The following PTPRH variants were observed in gnomAD, a reference collection of about 807,000 sequenced individuals.
PTPRH encodes the protein receptor-type tyrosine-protein phosphatase H.
PTPRH carries 113 observed loss-of-function variants against 130.2 expected under a neutral mutation model. The ratio of observed to expected loss-of-function variants is 0.87; its 90% CI spans 0.75 to 1.01. The LOEUF (loss-of-function observed/expected upper bound fraction) is 1.01. Among genes scored for constraint, PTPRH ranks in the 50% least tolerant of loss-of-function variants. The pLI, the probability that PTPRH is intolerant of heterozygous loss-of-function variation, is 0.00. For missense variants in PTPRH, 1,430 were observed against 1,425.0 expected (o/e 1.00, Z -0.06); for synonymous variants, 556 against 577.9 (o/e 0.96, Z 0.54).
chr19:55,188,308 T>A, intron 12 of PTPRH, 140 bp from the exon 13 acceptor site: 1 of 643,880 alleles, frequency 1.6e-6, no homozygotes. Context: ...AGGTCAGGAG[T>A]TCGAGACCAG....
At chr19:55,207,400 G>C in intron 1 of PTPRH, 1 of 578,534 alleles carries the variant, frequency 1.7e-6, no homozygotes, top group East Asian at 2.9e-5. Context: ...GGCAGGAGCA[G>C]AGCTTAGGGA....
At chr19:55,195,076 G>A (rs1287173542) in intron 10 of PTPRH, among the ~76,000 whole-genome samples, 25 of 152,084 alleles carry the variant, frequency 1.6e-4, no homozygotes, top group Non-Finnish European at 1.5e-5. Context: ...TGTAATCCCT[G>A]CACTTCAGGA....
chr19:55,185,699 A>C (rs375315080), intron 17 of PTPRH, 37 bp from the exon 18 acceptor site: 3 of 1,607,866 alleles, frequency 1.9e-6, no homozygotes, highest in Non-Finnish European at 2.6e-6. Context: ...CTGGAGATGA[A>C]TGTAGGGAGG....
intron 5 of PTPRH, among the ~76,000 whole-genome samples, chr19:55,203,105 G>GA (rs1269347936): frequency 6.6e-6 from 1 of 151,616 alleles, no homozygotes; most frequent in East Asian, 2.0e-4. Context: ...AAGGCGGGTG[G>GA]ATCACAAGGT....
intron 18 of PTPRH, among the ~76,000 whole-genome samples, chr19:55,182,389 T>TGGC (rs2086203650): frequency 6.6e-6 from 1 of 152,120 alleles, no homozygotes; most frequent in African/African-American, 2.4e-5. Context: ...CCGGGTATGG[T>TGGC]GGCGCATGCC....
chr19:55,202,380 G>A lies in PTPRH; in HGVS notation c.887-58C>T, dbSNP rs1359080316. The stretch of plus-strand genomic sequence containing the variant: ...TAGTTTCTGGCCCTCAAACTTTCCA[G>A]CCCTTCCTTAACCATTGCATCCAGC... On this transcript the variant is annotated intron_variant, in intron 5 of 19. Coordinates refer to ENST00000376350, the MANE Select transcript of PTPRH (RefSeq NM_002842.5). 5 of 1,597,762 alleles carry A rather than the reference G, an allele frequency of 3.1e-6. No individual in the cohort carries two copies. In the East Asian group the frequency reaches 6.7e-5, roughly 21 times the overall value.
chr19:55,203,144 C>A (rs569113706), intron 5 of PTPRH, among the ~76,000 whole-genome samples: 1 of 150,474 alleles, frequency 6.6e-6, no homozygotes, highest in Non-Finnish European at 1.5e-5. Context: ...CTGGCTAACA[C>A]GGTGAAACCC....
chr19:55,186,611 G>GAGGCCCAGAGAGGCACAGAGACA, intron 14 of PTPRH, 71 bp from the exon 15 acceptor site: 1 of 1,532,952 alleles, frequency 6.5e-7, no homozygotes, highest in African/African-American at 1.4e-5. Context: ...CACAGGCAGA[G>GAGGCCCAGAGAGGCACAGAGACA]AGACCCAGAG....
In PTPRH at chr19:55,185,573, C is replaced by A; in HGVS notation, c.2991G>T (p.Leu997=). 6.2e-7 allele frequency: 1 copy of A among 1,614,196 alleles called. No individual in the cohort carries two copies. Among genetic ancestry groups the A allele is most frequent in the South Asian group, 1.1e-5 (1 of 91,086 alleles). ...HGVPSSPDTL[L]AFWRMLRQWL... is the part of the protein sequence containing the mutation. ...ACTGCCGAAGCATCCTCCAGAAAGC[C>A]AGCAAGGTGTCTGGGGAGGAGGGAA... The change falls in exon 18 of 20, where the codon CTG becomes CTT. Residue 997 remains leucine (L), a synonymous_variant. Coordinates refer to ENST00000376350, the MANE Select transcript of PTPRH (RefSeq NM_002842.5).
rs866468244 is a variant in PTPRH, at chr19:55,203,141, A to G, written c.886+641T>C. On this transcript the variant is annotated intron_variant, in intron 5 of 19. Coordinates refer to ENST00000376350, the MANE Select transcript of PTPRH (RefSeq NM_002842.5). ...CAGGAGATCGAGACCATCCTGGCTA[A>G]CACGGTGAAACCCGTCTCTACTAAA... Among the ~76,000 whole-genome samples the G allele has an allele frequency of 4.6e-5, 7 of 151,478 alleles. No individual in the cohort carries two copies. In the South Asian group the frequency reaches 8.4e-4, roughly 18 times the overall value.
At chr19:55,194,246 T>G (rs1166886386) in intron 10 of PTPRH, 3 of 1,289,684 alleles carry the variant, frequency 2.3e-6, no homozygotes, top group African/African-American at 1.5e-5. Flanking sequence ...CTCAAGCCTA[T>G]GGCCCATCTT....
chr19:55,205,947 T>C (rs1485016942), intron 3 of PTPRH, among the ~76,000 whole-genome samples: 1 of 152,208 alleles, frequency 6.6e-6, no homozygotes, highest in East Asian at 1.9e-4. Context: ...AAATACCTTG[T>C]ATCTGCCAGG....
At chr19:55,187,214 G>T (rs374955922) in intron 14 of PTPRH, among the ~76,000 whole-genome samples, 2 of 149,632 alleles carry the variant, frequency 1.3e-5, no homozygotes, top group Non-Finnish European at 3.0e-5. Flanking sequence ...GCGAGGTGGC[G>T]GGCACCTGTA....
chr19:55,207,078 T>A, intron 2 of PTPRH, 88 bp downstream of exon 2: 1 of 1,586,144 alleles, frequency 6.3e-7, no homozygotes, highest in South Asian at 1.1e-5. Flanking sequence ...CATGGACCAC[T>A]GGACCCCACG....
rs2087167227 is a variant in PTPRH at position 55,209,275 on chromosome 19, A to T, written c.51+108T>A. 2 of 942,258 alleles carry T rather than the reference A, an allele frequency of 2.1e-6. No homozygotes were observed. The highest frequency in any genetic ancestry group is 1.6e-5 in the African/African-American group (1 of 61,334). The allele number at this position is 942,258 out of a possible 1,614,324, so 58.4% of individuals were successfully genotyped here. A position where few individuals can be genotyped will look rare whatever the true frequency, so the allele number is the denominator to read the frequency against. On this transcript the variant is annotated intron_variant, in intron 1 of 19. Transcript: ENST00000376350. This position sits in a 1 kb window ranked among gnomAD's most constrained non-coding sequence, Gnocchi z 4.1. ...TGAAGCCCTCTTCCTTCTCCAGGGG[A>T]TCTTCAGCACCTACTTCCTCAAGAT...
At chr19:55,193,996 G>A (rs554617853) in intron 10 of PTPRH, 8 of 386,724 alleles carry the variant, frequency 2.1e-5, no homozygotes, top group East Asian at 1.6e-4. Flanking sequence ...TGACAGACAC[G>A]CGCCACCACG....
rs745446036 is a variant in PTPRH at position 55,202,061 on chromosome 19, G to A, written c.1148C>T (p.Thr383Ile). ...INSSRETRNA[T>I]TAPNPVRNLH... Reference sequence around the variant, plus strand: ...AAATGGCGACTGCCTCTCACCTGTGGTGGCATTTCGAGTCTCCCGGGAGCT... The same window carrying A: ...AAATGGCGACTGCCTCTCACCTGTGATGGCATTTCGAGTCTCCCGGGAGCT... The change falls in exon 6 of 20, where the codon ACC becomes ATC. Residue 383 changes from threonine (T) to isoleucine (I), a missense_variant. By Grantham distance (89) the Thr-to-Ile change is moderately conservative. Transcript: ENST00000376350. 2.5e-6 allele frequency: 4 copies of A among 1,613,816 alleles called. No individual in the cohort carries two copies. Among genetic ancestry groups the A allele is most frequent in the Non-Finnish European group, 3.4e-6 (4 of 1,179,796 alleles).
At chr19:55,203,111 A>G (rs529655508) in intron 5 of PTPRH, among the ~76,000 whole-genome samples, 40 of 151,496 alleles carry the variant, frequency 2.6e-4, no homozygotes, top group Middle Eastern at 3.5e-3. Context: ...GGTGGATCAC[A>G]AGGTCAGGAG....
At chr19:55,197,548 C>T in intron 8 of PTPRH, 132 bp from the exon 9 acceptor site, 1 of 835,272 alleles carries the variant, frequency 1.2e-6, no homozygotes. Flanking sequence ...GGCTGAACCA[C>T]AGGAAAGAGT....
Sources: allele counts gnomAD v4.1 joint callset (sites outside exome capture counted in the v4.1 genomes callset), GRCh38; gene constraint gnomAD v4.1.1; non-coding constraint Gnocchi (gnomAD v3.1); transcripts MANE v1.5; gene names NCBI Gene and HGNC (gene_info 2026-07-23, HGNC 2026-07-21).